Variants in MAN2A1 observed in about 807,000 individuals in gnomAD.
MAN2A1 encodes mannosidase alpha class 2A member 1.
MAN2A1 carries 76 observed loss-of-function variants against 142.6 expected under a neutral mutation model. The observed-to-expected ratio is 0.53, with a 90% CI of 0.44 to 0.65. The LOEUF is 0.65. Among genes scored for constraint, MAN2A1 ranks in the 30% least tolerant of loss-of-function variants. The pLI is 0.00. For missense variants in MAN2A1, 1,311 were observed against 1,365.1 expected, an observed-to-expected ratio of 0.96 and a Z score of 0.62; for synonymous variants, 559 against 473.2, an observed-to-expected ratio of 1.18 and a Z score of -2.35.
At chr5:109,806,974 G>A (rs1754182151) in intron 12 of MAN2A1, among the ~76,000 whole-genome samples, 1 of 152,182 alleles carries the variant, frequency 6.6e-6, no homozygotes, top group Non-Finnish European at 1.5e-5. Flanking sequence ...TAGCATTTAT[G>A]TACTACTATA....
chr5:109,745,355 A>C lies in MAN2A1; in HGVS notation c.708-9974A>C, dbSNP rs567873779. On this transcript the variant is annotated intron_variant, in intron 4 of 21. Coordinates refer to ENST00000261483, the MANE Select transcript of MAN2A1 (RefSeq NM_002372.4). ...GATATATGTCTCTCTTGATATGGAA[A>C]GATGCTCATGGTATAATGTTAAGTA... 9.2e-5 allele frequency among the ~76,000 whole-genome samples: 14 copies of C among 152,312 alleles called. No individual in the cohort carries two copies. In the South Asian group the frequency reaches 2.9e-3, roughly 32 times the overall value.
chr5:109,746,089 C>T (rs889433587), intron 4 of MAN2A1, among the ~76,000 whole-genome samples: 3 of 152,196 alleles, frequency 2.0e-5, no homozygotes, highest in Non-Finnish European at 4.4e-5. Flanking sequence ...GTTCTCGTGC[C>T]TCAGCCTCCC....
In MAN2A1 at chr5:109,798,446, C is replaced by T. The variant is rs144635425; in HGVS notation, c.1943+8919C>T. On this transcript the variant is annotated intron_variant, in intron 12 of 21. Transcript: ENST00000261483. ...TGGCCCATTAGCAGCTCCATTTCACCGTGTTTAAAACGGAACTCCTCTTCC... is the reference window on the plus strand; with the variant it reads ...TGGCCCATTAGCAGCTCCATTTCACTGTGTTTAAAACGGAACTCCTCTTCC... 1.7e-3 allele frequency among the ~76,000 whole-genome samples: 261 copies of T among 152,284 alleles called. 1 individual carries two copies. Among genetic ancestry groups the T allele is most frequent in the African/African-American group, 6.1e-3 (254 of 41,570 alleles).
At position 109,780,510 on chromosome 5, in the gene MAN2A1, CTGTGTG is replaced by C. The variant is rs113661582; in HGVS notation, c.1375-852_1375-847del. Among the ~76,000 whole-genome samples the C allele has an allele frequency of 9.7e-3, 1,393 of 143,752 alleles. 23 individuals are homozygous for C. Among genetic ancestry groups the C allele is most frequent in the African/African-American group, 0.029 (1,111 of 38,510 alleles). The allele number at this position is 143,752 out of a possible 152,430, so 94.3% of individuals were successfully genotyped here. On this transcript the variant is annotated intron_variant, in intron 8 of 21. Coordinates refer to ENST00000261483, the MANE Select transcript of MAN2A1 (RefSeq NM_002372.4). ...CTTGAATCAAAATGACTTGCAATAT[CTGTGTG>C]TGTGTGTGTGTGTGTGTGTGTGTGT...
At chr5:109,794,389 T>C (rs1229745600) in intron 12 of MAN2A1, among the ~76,000 whole-genome samples, 1 of 152,138 alleles carries the variant, frequency 6.6e-6, no homozygotes, top group Admixed American at 6.5e-5. Context: ...CCTTGACACG[T>C]ACTAGAAAAC....
intron 4 of MAN2A1, among the ~76,000 whole-genome samples, 182 bp from the exon 5 acceptor site, chr5:109,755,147 A>G (rs1379291191): frequency 6.6e-6 from 1 of 152,200 alleles, no homozygotes; most frequent in East Asian, 1.9e-4. Flanking sequence ...TACCTGAGAC[A>G]CCGGGTGCTA....
In MAN2A1 at chr5:109,723,028, A is replaced by G. The variant is rs531541894; in HGVS notation, c.536-6314A>G. 5.9e-5 allele frequency among the ~76,000 whole-genome samples: 9 copies of G among 152,262 alleles called. No homozygotes were observed. In the South Asian group the frequency reaches 1.2e-3, roughly 21 times the overall value. ...AATTATCTTGGAGATTGATCACACA[A>G]TTGCAGCTATGAGAAAAAGTATGCA... is the stretch of plus-strand genomic sequence containing the variant. On this transcript the variant is annotated intron_variant, in intron 3 of 21. Coordinates refer to ENST00000261483, the MANE Select transcript of MAN2A1 (RefSeq NM_002372.4).
intron 12 of MAN2A1, among the ~76,000 whole-genome samples, chr5:109,813,959 A>G (rs937328169): frequency 2.6e-5 from 4 of 152,210 alleles, no homozygotes; most frequent in South Asian, 2.1e-4. Context: ...CAGGTAACAT[A>G]TGAATGCTTT....
At chr5:109,852,027 G>A (rs1755494251) in intron 19 of MAN2A1, among the ~76,000 whole-genome samples, 1 of 151,686 alleles carries the variant, frequency 6.6e-6, no homozygotes, top group African/African-American at 2.4e-5. Flanking sequence ...AGGACTGAAT[G>A]CCTGCCCAGG....
intron 12 of MAN2A1, among the ~76,000 whole-genome samples, chr5:109,793,270 G>T (rs1238961406): frequency 6.6e-6 from 1 of 152,044 alleles, no homozygotes; most frequent in Admixed American, 6.6e-5. Flanking sequence ...CACTCATATG[G>T]CTGGCAGTTA....
chr5:109,734,086 C>G (rs1470339239), intron 4 of MAN2A1, among the ~76,000 whole-genome samples: 1 of 152,036 alleles, frequency 6.6e-6, no homozygotes. Context: ...CTGGTTTAGT[C>G]TTGGGAGGGT....
intron 5 of MAN2A1, among the ~76,000 whole-genome samples, chr5:109,761,389 A>T (rs1582870557): frequency 6.6e-6 from 1 of 151,924 alleles, no homozygotes; most frequent in Middle Eastern, 3.4e-3. Flanking sequence ...TAGTGTTTAG[A>T]AAATTATTTT....
At chr5:109,855,521 C>A (rs1755585502) in intron 20 of MAN2A1, among the ~76,000 whole-genome samples, 187 bp downstream of exon 20, 1 of 152,092 alleles carries the variant, frequency 6.6e-6, no homozygotes, top group South Asian at 2.1e-4. Context: ...AGAGTATATC[C>A]TGATACTAAT....
intron 12 of MAN2A1, among the ~76,000 whole-genome samples, chr5:109,811,690 A>G (rs185747438): frequency 5.3e-5 from 8 of 151,948 alleles, no homozygotes; most frequent in Non-Finnish European, 8.8e-5. Context: ...ACCCTGTTAT[A>G]TTGAACTTAC....
At chr5:109,744,940 T>A (rs1752359444) in intron 4 of MAN2A1, among the ~76,000 whole-genome samples, 1 of 152,078 alleles carries the variant, frequency 6.6e-6, no homozygotes, top group South Asian at 2.1e-4. Context: ...AATGATAAAT[T>A]ACTGAAATAC....
intron 5 of MAN2A1, among the ~76,000 whole-genome samples, chr5:109,762,867 T>G (rs1223040025): frequency 6.6e-6 from 1 of 152,174 alleles, no homozygotes; most frequent in Non-Finnish European, 1.5e-5. Context: ...TTGAATTGGC[T>G]TTATTAAGCA....
At chr5:109,811,573 CGTGTGTGTGT>C (rs70999943) in intron 12 of MAN2A1, among the ~76,000 whole-genome samples, 22 of 144,928 alleles carry the variant, frequency 1.5e-4, no homozygotes, top group East Asian at 4.0e-4. Context: ...TCCTAACAGC[CGTGTGTGTGT>C]GTGTGTGTGT....
At chr5:109,753,076 A>G (rs112776071) in intron 4 of MAN2A1, among the ~76,000 whole-genome samples, 2,813 of 152,324 alleles carry the variant, frequency 0.018, 34 homozygotes, top group Middle Eastern at 0.071. Flanking sequence ...ACATCAGCGA[A>G]GAGTTTATTT....
At chr5:109,786,355 C>T (rs1359177719) in intron 10 of MAN2A1, among the ~76,000 whole-genome samples, 4 of 152,090 alleles carry the variant, frequency 2.6e-5, no homozygotes, top group African/African-American at 7.2e-5. Context: ...ATAGAAAAGT[C>T]ATTTTCCTAC....
Sources: allele counts gnomAD v4.1 joint callset (sites outside exome capture counted in the v4.1 genomes callset), GRCh38; gene constraint gnomAD v4.1.1; transcripts MANE v1.5; gene names NCBI Gene and HGNC (gene_info 2026-07-23, HGNC 2026-07-21).